Variants in JADE2 observed in about 807,000 individuals in gnomAD.
JADE2 encodes jade family PHD finger 2.
Under a neutral mutation model 85.7 loss-of-function variants are expected in JADE2, and 13 were observed. The ratio of observed to expected loss-of-function variants is 0.15; its 90% confidence interval spans 0.10 to 0.24. JADE2 has a LOEUF of 0.24. Ranked by LOEUF, JADE2 falls within the 10% of genes least tolerant of loss-of-function variation. The pLI, the probability that JADE2 is intolerant of heterozygous loss-of-function variation, is 1.00. For synonymous variants in JADE2, 440 were observed against 456.1 expected (o/e 0.96, Z 0.45); for missense variants, 846 against 1,115.9 (o/e 0.76, Z 3.45).
chr5:134,564,424 C>G, intron 7 of JADE2, 70 bp from the exon 8 acceptor site: 1 of 1,051,132 alleles, frequency 9.5e-7, no homozygotes. Context: ...CAGACAAACC[C>G]CCATTTTGGA....
chr5:134,540,412 T>C (rs577564895), intron 3 of JADE2, among the ~76,000 whole-genome samples: 2 of 151,360 alleles, frequency 1.3e-5, no homozygotes, highest in Non-Finnish European at 2.9e-5. Flanking sequence ...TTTTTTTTTT[T>C]CAGTAGAGAC....
chr5:134,556,433 AACAC>A (rs756790070), intron 4 of JADE2, among the ~76,000 whole-genome samples: 4 of 148,270 alleles, frequency 2.7e-5, no homozygotes, highest in African/African-American at 7.5e-5. Flanking sequence ...CACATCACAC[AACAC>A]ACACACACAC....
chr5:134,530,795 G>A (rs1761183681), intron 1 of JADE2, among the ~76,000 whole-genome samples: 1 of 152,142 alleles, frequency 6.6e-6, no homozygotes, highest in African/African-American at 2.4e-5. Flanking sequence ...GGTTAAGACG[G>A]GGAAGGCAGG....
chr5:134,555,078 C>A (rs1351191606), intron 4 of JADE2, among the ~76,000 whole-genome samples: 1 of 152,154 alleles, frequency 6.6e-6, no homozygotes, highest in Non-Finnish European at 1.5e-5. Context: ...GAGACAGAGC[C>A]CTGTGCCCCC....
upstream of JADE2, chr5:134,525,538 G>A (rs1434406796): frequency 2.8e-6 from 1 of 362,120 alleles, no homozygotes; most frequent in Non-Finnish European, 4.6e-6. Context: ...CGGGAGCGGA[G>A]ATCCGAGTGA....
intron 1 of JADE2, among the ~76,000 whole-genome samples, chr5:134,528,963 A>AC (rs1172330061): frequency 6.6e-5 from 10 of 152,286 alleles, no homozygotes; most frequent in African/African-American, 2.2e-4. Context: ...GCTTTCATGG[A>AC]CTGGTGAGGT....
At chr5:134,576,053 G>A (rs1764346431) in intron 10 of JADE2, among the ~76,000 whole-genome samples, 1 of 152,136 alleles carries the variant, frequency 6.6e-6, no homozygotes, top group African/African-American at 2.4e-5. Flanking sequence ...TTGAAAATTA[G>A]CCGGGTGTGG....
intron 9 of JADE2, among the ~76,000 whole-genome samples, chr5:134,572,584 C>G (rs1227835142): frequency 2.0e-5 from 3 of 152,194 alleles, no homozygotes; most frequent in African/African-American, 7.2e-5. Context: ...CTGGAAAGAC[C>G]CTGGTGGGAC....
At chr5:134,554,405 C>A (rs1183873614) in intron 4 of JADE2, among the ~76,000 whole-genome samples, 1 of 152,160 alleles carries the variant, frequency 6.6e-6, no homozygotes, top group African/African-American at 2.4e-5. Flanking sequence ...GTGGGCACAG[C>A]GAGGTCAGTC....
intron 9 of JADE2, among the ~76,000 whole-genome samples, chr5:134,567,344 GGCTGAAAACCACCCCCAGCTGTGT>G (rs764832279): frequency 6.6e-5 from 10 of 152,200 alleles, no homozygotes; most frequent in Admixed American, 2.0e-4. Context: ...TGGGTGGGCT[GGCTGAAAACCACCCCCAGCTGTGT>G]GCTGGGAAAC....
At position 134,568,183 on chromosome 5, in the gene JADE2, C is replaced by T. The variant is rs566095509; in HGVS notation, c.1434+1603C>T. On this transcript the variant is annotated intron_variant, in intron 9 of 11. Transcript: ENST00000681547. ...CAAGGGCTTGACTCACTTATGTAGT[C>T]ATCATCCTGGAAAAAGAGACTTGAG... Among the ~76,000 whole-genome samples the T allele has an allele frequency of 9.3e-4, 141 of 152,294 alleles. No homozygotes were observed. The Middle Eastern group carries it at 0.027, about 29-fold the overall frequency.
upstream of JADE2, among the ~76,000 whole-genome samples, chr5:134,524,026 C>T (rs1004885968): frequency 2.0e-5 from 3 of 152,180 alleles, no homozygotes; most frequent in African/African-American, 7.2e-5. Flanking sequence ...ACCCACGTGC[C>T]TTCAAAGCCA....
chr5:134,577,680 G>C (rs1317513962), intron 11 of JADE2, among the ~76,000 whole-genome samples: 1 of 152,142 alleles, frequency 6.6e-6, no homozygotes, highest in Non-Finnish European at 1.5e-5. Context: ...GACAGAGCAA[G>C]ACCCTGTTCC....
intron 4 of JADE2, among the ~76,000 whole-genome samples, chr5:134,554,641 A>G (rs149859860): frequency 3.3e-4 from 51 of 152,254 alleles, no homozygotes; most frequent in African/African-American, 1.2e-3. Flanking sequence ...TGGCTGTGCT[A>G]AGCTGACGTG....
In JADE2 at chr5:134,580,863, C is replaced by G. The variant is rs868602661; in HGVS notation, c.*1546C>G. 2 of 152,620 alleles carry G rather than the reference C, an allele frequency of 1.3e-5. No homozygotes were observed. The highest frequency in any genetic ancestry group is 2.1e-4 in the South Asian group (1 of 4,824). 9.5% of individuals were successfully genotyped at this position (152,620 alleles called of 1,614,324 possible). On this transcript the variant is annotated 3_prime_UTR_variant, in exon 12 of 12. Transcript: ENST00000681547. The stretch of plus-strand genomic sequence containing the variant: ...ATGCTTTGCTGCTGCTGAAGTGTAC[C>G]TGGGTGTTAGATTTCAGATCCTGGG...
In JADE2 at chr5:134,579,640, G is replaced by T. The variant is rs1404673696; in HGVS notation, c.*323G>T. On this transcript the variant is annotated 3_prime_UTR_variant, in exon 12 of 12. Transcript: ENST00000681547. The surrounding 1 kb of genome is among the most constrained non-coding windows in gnomAD (Gnocchi z 4.6). ...AGGTGGACAAGAGCTCAGGACTCCA[G>T]CCCACTGCCACTGGGTGACACAGAC... 1.3e-5 allele frequency: 4 copies of T among 317,936 alleles called. No individual in the cohort carries two copies. Among genetic ancestry groups the T allele is most frequent in the South Asian group, 7.7e-5 (1 of 13,014 alleles). The allele number at this position is 317,936 out of a possible 1,614,324, so 19.7% of individuals were successfully genotyped here. A position where few individuals can be genotyped will look rare whatever the true frequency, so the allele number is the denominator to read the frequency against.
rs1764623060 is a variant in JADE2, at chr5:134,580,043, C to T, written c.*726C>T. ...TCCCTCCTGAGCTGTGCCATTTACT[C>T]AGGGGACTCCCAAACAGCCAGCTGC... On this transcript the variant is annotated 3_prime_UTR_variant, in exon 12 of 12. Transcript: ENST00000681547. The T allele has an allele frequency of 6.5e-6, 1 of 152,726 alleles. No individual in the cohort carries two copies. Among genetic ancestry groups the T allele is most frequent in the Admixed American group, 6.5e-5 (1 of 15,284 alleles). The allele number at this position is 152,726 out of a possible 1,614,324, so 9.5% of individuals were successfully genotyped here. A position where few individuals can be genotyped will look rare whatever the true frequency, so the allele number is the denominator to read the frequency against.
At chr5:134,564,383 A>T in intron 7 of JADE2, 111 bp from the exon 8 acceptor site, 1 of 635,494 alleles carries the variant, frequency 1.6e-6, no homozygotes, top group Non-Finnish European at 2.7e-6. Context: ...GGGCTCAGCC[A>T]CTGCCCTGTC....
chr5:134,535,323 C>T (rs1040000105), intron 1 of JADE2, among the ~76,000 whole-genome samples: 4 of 152,136 alleles, frequency 2.6e-5, no homozygotes, highest in Admixed American at 6.6e-5. Flanking sequence ...GTGTCCCCCG[C>T]CTCTCCCCCG....
Sources: gnomAD v4.1 joint callset for allele counts (sites outside exome capture counted in the v4.1 genomes callset) on GRCh38, gnomAD v4.1.1 for gene constraint, Gnocchi (gnomAD v3.1) non-coding constraint, MANE v1.5 for transcripts, NCBI Gene and HGNC (gene_info 2026-07-23, HGNC 2026-07-21) for gene names.